The following ZNF318 variants were observed in gnomAD, a reference collection of about 807,000 sequenced individuals.
The protein encoded by ZNF318 is endocrine regulator.
ZNF318 carries 51 observed loss-of-function variants against 124.2 expected under a neutral mutation model. That is an observed-to-expected ratio of 0.41 (90% confidence interval 0.33 to 0.52). The LOEUF is 0.52. Ranked by LOEUF, ZNF318 falls within the 20% of genes least tolerant of loss-of-function variation. The pLI is 0.23. For synonymous variants in ZNF318, 1,090 were observed against 1,040.7 expected, an observed-to-expected ratio of 1.05 and a Z score of -0.91; for missense variants, 2,815 against 2,811.2, an observed-to-expected ratio of 1.00 and a Z score of -0.03.
chr6:43,363,946 C>T, intron 2 of ZNF318: 1 of 675,134 alleles, frequency 1.5e-6, no homozygotes, highest in Non-Finnish European at 2.7e-6. Context: ...CCACAAGCCC[C>T]ACACCGTTCC....
In ZNF318 at chr6:43,339,616, G is replaced by C; in HGVS notation, c.4382C>G (p.Pro1461Arg). The stretch of plus-strand genomic sequence containing the variant: ...TGCTTGAGCAGCAGACGGGGCAGCT[G>C]GATGAGGTATAACGGGGGGTGGTGG... ...PPPPPPVIPH[P>R]AAPSAAQANA... is the part of the protein sequence containing the mutation. Residue 1461 changes from proline to arginine, a missense_variant, in exon 10 of 10, where the codon CCA becomes CGA. Transcript: ENST00000361428. This position sits in a 1 kb window ranked among gnomAD's most constrained non-coding sequence, Gnocchi z 4.2. 1 of 1,612,100 alleles carries C rather than the reference G, an allele frequency of 6.2e-7. No individual in the cohort carries two copies.
At chr6:43,366,584 G>A (rs576712740) in intron 1 of ZNF318, among the ~76,000 whole-genome samples, 7 of 152,074 alleles carry the variant, frequency 4.6e-5, no homozygotes, top group Non-Finnish European at 1.0e-4. Context: ...ATCACTTGAG[G>A]CCAGGAGTTT....
chr6:43,369,552 C>A lies in ZNF318; in HGVS notation c.-187G>T. ...GGCCCGGCCGAGCGCGCCCCCGCGG[C>A]TGGCGGTTGGAGGGCGCGAGCACGC... On this transcript the variant is annotated 5_prime_UTR_variant, in exon 1 of 10. Transcript: ENST00000361428. 4.3e-6 allele frequency: 1 copy of A among 232,524 alleles called. No individual in the cohort carries two copies. Among genetic ancestry groups the A allele is most frequent in the Non-Finnish European group, 7.0e-6 (1 of 142,190 alleles). 14.4% of individuals were successfully genotyped at this position (232,524 alleles called of 1,614,324 possible).
intron 1 of ZNF318, chr6:43,368,576 G>A (rs923277856): frequency 2.5e-6 from 2 of 812,622 alleles, no homozygotes; most frequent in East Asian, 1.2e-4. Context: ...TTTCCCCTAA[G>A]ATCCAGGAAG....
rs185210767 is a variant in ZNF318, at chr6:43,362,638, C to T, written c.548+2654G>A. On this transcript the variant is annotated intron_variant, in intron 2 of 9. Coordinates refer to ENST00000361428, the MANE Select transcript of ZNF318 (RefSeq NM_014345.3). ...TCTCCTGCCTCAGCCTCTGGAGTAG[C>T]TAAGACTACAGGCATGCGCCACCAC... is the stretch of plus-strand genomic sequence containing the variant. Among the ~76,000 whole-genome samples, 497 of 143,780 alleles carry T rather than the reference C, an allele frequency of 3.5e-3. 3 individuals are homozygous for T. Among genetic ancestry groups the T allele is most frequent in the African/African-American group, 0.012 (451 of 38,870 alleles). 94.3% of individuals were successfully genotyped at this position (143,780 alleles called of 152,430 possible).
At chr6:43,359,925 G>A (rs937989460) in intron 2 of ZNF318, among the ~76,000 whole-genome samples, 1 of 152,128 alleles carries the variant, frequency 6.6e-6, no homozygotes, top group Non-Finnish European at 1.5e-5. Context: ...ATCAAACTGA[G>A]GTAAAAATTT....
At position 43,358,787 on chromosome 6, in the gene ZNF318, C is replaced by A. The variant is rs1050964708; in HGVS notation, c.549-1022G>T. Among the ~76,000 whole-genome samples, 4 of 151,478 alleles carry A rather than the reference C, an allele frequency of 2.6e-5. No individual in the cohort carries two copies. The East Asian group carries it at 7.8e-4, about 30-fold the overall frequency. ...GCCAGGCTGGTCTCGAACTCCTGATCTCAGGTGATCTGCCCGCCTCAGCCT... is the reference window on the plus strand; with the variant it reads ...GCCAGGCTGGTCTCGAACTCCTGATATCAGGTGATCTGCCCGCCTCAGCCT... On this transcript the variant is annotated intron_variant, in intron 2 of 9. Coordinates refer to ENST00000361428, the MANE Select transcript of ZNF318 (RefSeq NM_014345.3).
chr6:43,365,227 G>A (rs180847313), intron 2 of ZNF318, 65 bp downstream of exon 2: 39 of 1,536,776 alleles, frequency 2.5e-5, no homozygotes, highest in Middle Eastern at 3.5e-4. Context: ...TATATCATTC[G>A]GAAAACAGCA....
At chr6:43,357,049 T>G in intron 3 of ZNF318, 77 bp downstream of exon 3, 1 of 1,475,392 alleles carries the variant, frequency 6.8e-7, no homozygotes, top group Admixed American at 2.1e-5. Flanking sequence ...ATTAGGAACA[T>G]AGCCCACAGG....
intron 6 of ZNF318, among the ~76,000 whole-genome samples, chr6:43,346,673 T>C (rs116261800): frequency 6.6e-6 from 1 of 152,144 alleles, no homozygotes; most frequent in Admixed American, 6.5e-5. Context: ...ATTCTGGAAA[T>C]TCTTCATGGA....
Position 43,339,245 on chromosome 6 carries a change from C to T in ZNF318, c.4753G>A (p.Gly1585Arg). ...CCACTTAGCTTAGTCTCAGGGGCCC[C>T]CTTAGTCTCAGGGGCCCCCTTTCCA... is the stretch of plus-strand genomic sequence containing the variant. ...SGGKGAPETK[G>R]APETKLSGGP... Residue 1585 changes from glycine to arginine, a missense_variant, in exon 10 of 10, where the codon GGG becomes AGG. Physicochemically the swap from Gly to Arg is moderately radical, Grantham distance 125. This residue lies in a region of ZNF318 where 927 missense variants were observed against 820.6 expected (regional missense o/e 1.13). Coordinates refer to ENST00000361428, the MANE Select transcript of ZNF318 (RefSeq NM_014345.3). This position sits in a 1 kb window ranked among gnomAD's most constrained non-coding sequence, Gnocchi z 4.2. 3.1e-6 allele frequency: 5 copies of T among 1,610,620 alleles called. No homozygotes were observed. Among genetic ancestry groups the T allele is most frequent in the Non-Finnish European group, 4.2e-6 (5 of 1,178,096 alleles).
intron 2 of ZNF318, chr6:43,363,680 A>G: frequency 1.8e-6 from 1 of 550,008 alleles, no homozygotes; most frequent in Admixed American, 3.3e-5. Context: ...CTGCCCATCA[A>G]GGAATCTGAG....
chr6:43,357,088 A>T, intron 3 of ZNF318, 38 bp downstream of exon 3: 1 of 1,566,038 alleles, frequency 6.4e-7, no homozygotes, highest in Non-Finnish European at 8.6e-7. Context: ...GATATTAGGG[A>T]GACTAGCAAG....
intron 8 of ZNF318, among the ~76,000 whole-genome samples, chr6:43,341,563 T>C (rs974211800): frequency 1.3e-4 from 19 of 147,712 alleles, no homozygotes; most frequent in African/African-American, 4.8e-4. Context: ...GGCAGGAGAA[T>C]GGGGTGAACC....
intron 6 of ZNF318, among the ~76,000 whole-genome samples, chr6:43,346,372 TCGG>T (rs1270092163): frequency 7.9e-5 from 12 of 151,580 alleles, no homozygotes; most frequent in Admixed American, 6.6e-4. Flanking sequence ...TCTCAGCTAC[TCGG>T]CAGGCTGAGG....
At chr6:43,363,627 T>A (rs1413360943) in intron 2 of ZNF318, 2 of 460,062 alleles carry the variant, frequency 4.3e-6, no homozygotes, top group East Asian at 4.4e-5. Context: ...GCTGCTTGGT[T>A]AAGGACATAA....
intron 3 of ZNF318, among the ~76,000 whole-genome samples, chr6:43,356,486 G>C (rs1779610453): frequency 6.6e-6 from 1 of 152,116 alleles, no homozygotes; most frequent in Admixed American, 6.5e-5. Context: ...AAGCTGCTTT[G>C]GCTGAAGTGG....
chr6:43,347,155 G>T (rs1307088878), intron 6 of ZNF318, among the ~76,000 whole-genome samples: 1 of 152,154 alleles, frequency 6.6e-6, no homozygotes, highest in Non-Finnish European at 1.5e-5. Flanking sequence ...AGTTCGATTT[G>T]CATGGTAAAG....
Position 43,337,601 on chromosome 6 carries a change from C to T in ZNF318, c.6397G>A (p.Gly2133Arg), listed in dbSNP as rs1258441123. ...TCTTTTACTTCCTCAGGCATCATTC[C>T]TCCTGCTAACAGGTCAAGGGCCTGG... ...THQALDLLAG[G>R]MMPEEVKESS... The change falls in exon 10 of 10, where the codon GGA becomes AGA. Residue 2133 changes from glycine to arginine, a missense_variant. Physicochemically the swap from Gly to Arg is moderately radical, Grantham distance 125. This residue lies in a region of ZNF318 where 927 missense variants were observed against 820.6 expected (regional missense o/e 1.13). Transcript: ENST00000361428. 6.2e-7 allele frequency: 1 copy of T among 1,614,008 alleles called. No homozygotes were observed. The highest frequency in any genetic ancestry group is 1.3e-5 in the African/African-American group (1 of 74,922).
Sources: gnomAD v4.1 joint callset for allele counts (sites outside exome capture counted in the v4.1 genomes callset) on GRCh38, gnomAD v4.1.1 for gene constraint, gnomAD v4.1.1 regional missense constraint, Gnocchi (gnomAD v3.1) non-coding constraint, MANE v1.5 for transcripts, NCBI Gene and HGNC (gene_info 2026-07-23, HGNC 2026-07-21) for gene names.